Variants in ZNF831 observed in about 807,000 individuals in gnomAD.
The protein encoded by ZNF831 is zinc finger protein 831.
In ZNF831, 59 loss-of-function variants were observed where a neutral mutation model predicts 95.8. That is an observed-to-expected ratio of 0.62 (90% CI 0.50 to 0.77). The LOEUF (loss-of-function observed/expected upper bound fraction) is 0.77. Ranked by LOEUF, ZNF831 falls within the 30% of genes least tolerant of loss-of-function variation. ZNF831 has a pLI of 0.00. For synonymous variants in ZNF831, 961 were observed against 925.5 expected, an observed-to-expected ratio of 1.04 and a Z score of -0.70; for missense variants, 2,205 against 2,164.0, an observed-to-expected ratio of 1.02 and a Z score of -0.38.
intron 1 of ZNF831, among the ~76,000 whole-genome samples, chr20:59,167,153 G>A (rs1410719712): frequency 6.6e-6 from 1 of 152,096 alleles, no homozygotes; most frequent in South Asian, 2.1e-4. Context: ...ATTTTATTGT[G>A]GCTTTAATTT....
At chr20:59,149,358 G>A (rs933544448) in intron 2 of ZNF831, among the ~76,000 whole-genome samples, 2 of 152,116 alleles carry the variant, frequency 1.3e-5, no homozygotes, top group Non-Finnish European at 2.9e-5. Context: ...TGTGGCCTGG[G>A]GCTGTGCCAA....
chr20:59,180,429 T>G (rs970082703), intron 1 of ZNF831, among the ~76,000 whole-genome samples: 10 of 152,222 alleles, frequency 6.6e-5, no homozygotes, highest in African/African-American at 2.4e-4. Context: ...GGTATACATG[T>G]GCCATGGTGG....
intron 1 of ZNF831, among the ~76,000 whole-genome samples, chr20:59,173,708 C>CT (rs760755747): frequency 4.6e-5 from 7 of 152,196 alleles, no homozygotes; most frequent in Non-Finnish European, 7.3e-5. Context: ...CACAACCACA[C>CT]TAGTCCCTAA....
In ZNF831 at chr20:59,192,090, T is replaced by A. The variant is rs753817433; in HGVS notation, c.1071T>A (p.His357Gln). Residue 357 changes from histidine (H) to glutamine (Q), a missense_variant, in exon 2 of 6, where the codon CAT (histidine) becomes CAA (glutamine). Transcript: ENST00000371030. This position sits in a 1 kb window ranked among gnomAD's most constrained non-coding sequence, Gnocchi z 5.2. ...LSRSDSAEQP[H>Q]APCSPLHSLS... ...GCTCCGACAGCGCGGAGCAGCCGCA[T>A]GCGCCCTGCAGCCCCCTGCACAGCC... is the stretch of plus-strand genomic sequence containing the variant. 6 of 1,601,434 alleles carry A rather than the reference T, an allele frequency of 3.7e-6. No individual in the cohort carries two copies. Among genetic ancestry groups the A allele is most frequent in the Non-Finnish European group, 5.1e-6 (6 of 1,177,104 alleles).
intron 1 of ZNF831, among the ~76,000 whole-genome samples, chr20:59,182,515 G>A (rs1982698996): frequency 1.3e-5 from 2 of 152,132 alleles, no homozygotes; most frequent in South Asian, 2.1e-4. Flanking sequence ...GAAGACAGGG[G>A]ACGGGGATGG....
intron 1 of ZNF831, among the ~76,000 whole-genome samples, chr20:59,128,180 T>C (rs1185436298): frequency 6.6e-6 from 1 of 151,846 alleles, no homozygotes; most frequent in East Asian, 1.9e-4. Flanking sequence ...ACAAAGAAAA[T>C]AAATAGGGTA....
At chr20:59,156,494 C>T (rs1980551304) in intron 2 of ZNF831, among the ~76,000 whole-genome samples, 1 of 152,014 alleles carries the variant, frequency 6.6e-6, no homozygotes, top group Non-Finnish European at 1.5e-5. Flanking sequence ...CCACTGCACT[C>T]CAGCCTGGGC....
chr20:59,187,132 G>T (rs1983114564), intron 1 of ZNF831, among the ~76,000 whole-genome samples: 1 of 152,164 alleles, frequency 6.6e-6, no homozygotes, highest in African/African-American at 2.4e-5. Flanking sequence ...ATGGCCCCAA[G>T]ATCCCTGAGA....
At position 59,256,017 on chromosome 20, in the gene ZNF831, T is replaced by C. The variant is rs1339558581; in HGVS notation, c.*1274T>C. ...TTTACATTGCTGCATTTCAATAAAA[T>C]TTTATACTTGCTTTTGGTATGATTT... On this transcript the variant is annotated 3_prime_UTR_variant, in exon 6 of 6. Transcript: ENST00000371030. 1 of 152,204 alleles carries C rather than the reference T, an allele frequency of 6.6e-6. No homozygotes were observed. The highest frequency in any genetic ancestry group is 1.5e-5 in the Non-Finnish European group (1 of 68,032). 9.4% of individuals were successfully genotyped at this position (152,204 alleles called of 1,614,324 possible). A position where few individuals can be genotyped will look rare whatever the true frequency, so the allele number is the denominator to read the frequency against.
chr20:59,246,603 C>T (rs1490921070), intron 4 of ZNF831, among the ~76,000 whole-genome samples: 2 of 152,050 alleles, frequency 1.3e-5, no homozygotes, highest in African/African-American at 4.8e-5. Flanking sequence ...GATGTCTGGA[C>T]ATGACAGAAT....
In ZNF831 at chr20:59,221,898, A is replaced by T. The variant is rs368707125; in HGVS notation, c.4027+14842A>T. On this transcript the variant is annotated intron_variant, in intron 4 of 5. Transcript: ENST00000371030. ...TTTCTAAGTACTAGCGTTTGAAATT[A>T]TTAAGTGTTCGTTAAGCACCCCCGG... 2.6e-5 allele frequency among the ~76,000 whole-genome samples: 4 copies of T among 152,336 alleles called. No homozygotes were observed. The South Asian group carries it at 8.3e-4, about 32-fold the overall frequency.
chr20:59,222,002 T>C (rs1162734982), intron 4 of ZNF831, among the ~76,000 whole-genome samples: 3 of 152,210 alleles, frequency 2.0e-5, no homozygotes, highest in Non-Finnish European at 4.4e-5. Context: ...TAAAGGCAGA[T>C]TGAAAAATGA....
At position 59,141,340 on chromosome 20, in the gene ZNF831, T is replaced by A. The variant is rs192850467; in HGVS notation, c.-1424-4891T>A. 2.0e-4 allele frequency among the ~76,000 whole-genome samples: 31 copies of A among 152,342 alleles called. No homozygotes were observed. In the East Asian group the frequency reaches 5.6e-3, roughly 27 times the overall value. On this transcript the variant is annotated intron_variant, in intron 1 of 7. Transcript: ENST00000637017. ...ATTTTTTTCTCTAAAAGTTTTATAG[T>A]TTTACATGTAAATCTATGATCCATT...
intron 4 of ZNF831, among the ~76,000 whole-genome samples, chr20:59,243,642 A>AT (rs1271886765): frequency 6.6e-6 from 1 of 152,170 alleles, no homozygotes; most frequent in Non-Finnish European, 1.5e-5. Context: ...ACTAGAACTA[A>AT]TGGCTCTGTA....
At chr20:59,213,547 C>T (rs1336765845) in intron 4 of ZNF831, among the ~76,000 whole-genome samples, 1 of 152,156 alleles carries the variant, frequency 6.6e-6, no homozygotes, top group African/African-American at 2.4e-5. Context: ...TGTAGCCGGT[C>T]CTCAATAAAG....
intron 4 of ZNF831, among the ~76,000 whole-genome samples, chr20:59,214,638 T>C (rs183678246): frequency 1.5e-3 from 229 of 152,380 alleles, no homozygotes; most frequent in Non-Finnish European, 2.2e-3. Flanking sequence ...TGTGTGTGTG[T>C]CTGCACATGT....
In ZNF831 at chr20:59,208,112, G is replaced by A. The variant is rs1420806993; in HGVS notation, c.4027+1056G>A. Among the ~76,000 whole-genome samples, 4 of 152,260 alleles carry A rather than the reference G, an allele frequency of 2.6e-5. No homozygotes were observed. The East Asian group carries it at 7.7e-4, about 29-fold the overall frequency. ...GGCCAGTTGTTGAAGAAGAAAGGTT[G>A]TTTTTGTTAAGGAAGGTCAAGGGTC... On this transcript the variant is annotated intron_variant, in intron 4 of 5. Transcript: ENST00000371030. This position sits in a 1 kb window ranked among gnomAD's most constrained non-coding sequence, Gnocchi z 4.2.
rs757250767 is a variant in ZNF831 at position 59,191,204 on chromosome 20, T to G, written c.185T>G (p.Leu62Arg). The G allele has an allele frequency of 1.9e-6, 3 of 1,573,566 alleles. No homozygotes were observed. The highest frequency in any genetic ancestry group is 2.6e-6 in the Non-Finnish European group (3 of 1,162,760). ...TVFLKALPIP[L>R]YHTVPPGGLQ... ...TTCCTGAAGGCCCTGCCCATCCCACTGTACCACACGGTGCCTCCCGGGGGC... is the reference window on the plus strand; with the variant it reads ...TTCCTGAAGGCCCTGCCCATCCCACGGTACCACACGGTGCCTCCCGGGGGC... Residue 62 changes from leucine to arginine, a missense_variant, in exon 2 of 6, where the codon CTG (leucine) becomes CGG (arginine). Leu to Arg is a moderately radical substitution (Grantham distance 102). Transcript: ENST00000371030.
chr20:59,215,255 C>T (rs1261296849), intron 4 of ZNF831, among the ~76,000 whole-genome samples: 4 of 152,198 alleles, frequency 2.6e-5, no homozygotes, highest in East Asian at 1.9e-4. Context: ...GAAGTCGTGC[C>T]GCTTCTCCTG....
Sources: gnomAD v4.1 joint callset for allele counts (sites outside exome capture counted in the v4.1 genomes callset) on GRCh38, gnomAD v4.1.1 for gene constraint, Gnocchi (gnomAD v3.1) non-coding constraint, MANE v1.5 for transcripts, NCBI Gene and HGNC (gene_info 2026-07-23, HGNC 2026-07-21) for gene names.